The following POU2F1 variants were observed in gnomAD, a reference collection of about 807,000 sequenced individuals.
POU2F1 encodes POU domain, class 2, transcription factor 1.
Under a neutral mutation model 84.9 loss-of-function variants are expected in POU2F1, and 16 were observed. That is an observed-to-expected ratio of 0.19 (90% confidence interval 0.13 to 0.29). POU2F1 has a LOEUF of 0.29. Ranked by LOEUF, POU2F1 falls within the 10% of genes least tolerant of loss-of-function variation. The probability of loss-of-function intolerance (pLI) is 1.00; values close to 1 mark genes in which losing one functional copy is unlikely to be tolerated. For synonymous variants in POU2F1, 368 were observed against 368.3 expected, an observed-to-expected ratio of 1.00 and a Z score of 0.01; for missense variants, 738 against 942.6, an observed-to-expected ratio of 0.78 and a Z score of 2.84.
chr1:167,406,856 AAG>A (rs1374738431), intron 13 of POU2F1, among the ~76,000 whole-genome samples: 7 of 152,098 alleles, frequency 4.6e-5, no homozygotes, highest in African/African-American at 1.7e-4. Context: ...AAGAAGTTAA[AAG>A]AAGTCTAAAT....
chr1:167,294,553 A>G (rs983162122), intron 1 of POU2F1, among the ~76,000 whole-genome samples: 13 of 152,320 alleles, frequency 8.5e-5, no homozygotes, highest in African/African-American at 3.1e-4. Context: ...ATCTACAAGG[A>G]ACTCAAACAA....
At chr1:167,343,097 GA>G (rs1488289207) in intron 2 of POU2F1, among the ~76,000 whole-genome samples, 1 of 152,080 alleles carries the variant, frequency 6.6e-6, no homozygotes, top group Non-Finnish European at 1.5e-5. Context: ...TACGTATTGA[GA>G]AACTTGCCCT....
Position 167,370,224 on chromosome 1 carries a change from G to A in POU2F1, c.282+10G>A, listed in dbSNP as rs201510019. On this transcript the variant is annotated intron_variant, in intron 4 of 15. Coordinates refer to ENST00000367866, the MANE Select transcript of POU2F1 (RefSeq NM_002697.4). ...GTCTTTAAATGTACAGGTAAGCTGG[G>A]ACCTGGGATTATGGGTCAATCTTTT... is the stretch of plus-strand genomic sequence containing the variant. 1.3e-4 allele frequency: 203 copies of A among 1,587,008 alleles called. 1 individual carries two copies. In the East Asian group the frequency reaches 2.3e-3, roughly 18 times the overall value.
chr1:167,327,988 T>C (rs1557897845), intron 1 of POU2F1, among the ~76,000 whole-genome samples: 1 of 152,196 alleles, frequency 6.6e-6, no homozygotes. Context: ...GCTGTTGTCA[T>C]TGTAATGCCT....
intron 13 of POU2F1, among the ~76,000 whole-genome samples, chr1:167,409,957 AG>A (rs1360976374): frequency 3.9e-5 from 6 of 152,052 alleles, no homozygotes; most frequent in Admixed American, 3.9e-4. Context: ...ACTATGTGAC[AG>A]GGGGCATGTC....
intron 1 of POU2F1, among the ~76,000 whole-genome samples, chr1:167,254,316 C>T (rs1426507152): frequency 2.6e-5 from 4 of 152,174 alleles, no homozygotes; most frequent in African/African-American, 9.7e-5. Flanking sequence ...TGTGCTTTAG[C>T]TGCAATATAT....
intron 15 of POU2F1, among the ~76,000 whole-genome samples, chr1:167,413,564 A>G (rs1650116748): frequency 1.3e-5 from 2 of 152,324 alleles, no homozygotes. Context: ...ATGAACAAAC[A>G]TTGGAACACA....
At chr1:167,310,258 CA>C (rs1655369138) in intron 1 of POU2F1, among the ~76,000 whole-genome samples, 1 of 151,726 alleles carries the variant, frequency 6.6e-6, no homozygotes, top group Non-Finnish European at 1.5e-5. Context: ...GGGAGATCCA[CA>C]ACAAAGAACA....
At position 167,415,511 on chromosome 1, in the gene POU2F1, G is replaced by T; in HGVS notation, c.2002G>T (p.Gly668Cys). The change falls in exon 16 of 16, where the codon GGT becomes TGT. Residue 668 changes from glycine (G) to cysteine (C), a missense_variant. Gly to Cys is a radical substitution (Grantham distance 159, BLOSUM62 -3). Coordinates refer to ENST00000367866, the MANE Select transcript of POU2F1 (RefSeq NM_002697.4). ...TLATIQALAS[G>C]GSLPITSLDA... Reference sequence around the variant, plus strand: ...GTTTTTGTCTGTAGCTCTTGCTTCTGGTGGCTCTCTTCCAATAACATCACT... The same window carrying T: ...GTTTTTGTCTGTAGCTCTTGCTTCTTGTGGCTCTCTTCCAATAACATCACT... 1.2e-6 allele frequency: 2 copies of T among 1,613,822 alleles called. No homozygotes were observed. Among genetic ancestry groups the T allele is most frequent in the Non-Finnish European group, 1.7e-6 (2 of 1,179,882 alleles).
chr1:167,253,386 C>A (rs1309180637), intron 1 of POU2F1, among the ~76,000 whole-genome samples: 4 of 119,388 alleles, frequency 3.4e-5, no homozygotes, highest in Non-Finnish European at 7.2e-5. Flanking sequence ...GCCCCCCCCC[C>A]CCCAAACACA....
chr1:167,284,490 A>T (rs888325486), intron 1 of POU2F1, among the ~76,000 whole-genome samples: 1 of 152,214 alleles, frequency 6.6e-6, no homozygotes, highest in Non-Finnish European at 1.5e-5. Context: ...ACAGAATAAT[A>T]ATGATCAAGA....
At position 167,412,020 on chromosome 1, in the gene POU2F1, C is replaced by T; in HGVS notation, c.1617C>T (p.Ser539=). 1 of 1,614,138 alleles carries T rather than the reference C, an allele frequency of 6.2e-7. No individual in the cohort carries two copies. The highest frequency in any genetic ancestry group is 8.5e-7 in the Non-Finnish European group (1 of 1,180,014). ...ATVISTAPPA[S]SAVTSPSLSP... is the part of the protein sequence containing the mutation. ...TGATTTCCACAGCGCCTCCAGCTTC[C>T]TCAGCAGTCACGTCCCCCTCTCTGA... Residue 539 remains serine (S), a synonymous_variant, in exon 14 of 16, where the codon TCC becomes TCT. Transcript: ENST00000367866.
At chr1:167,361,510 C>A (rs1659349954) in intron 2 of POU2F1, among the ~76,000 whole-genome samples, 1 of 152,088 alleles carries the variant, frequency 6.6e-6, no homozygotes, top group African/African-American at 2.4e-5. Flanking sequence ...CCTTACATCC[C>A]AGAAATAAAG....
chr1:167,342,697 C>G (rs778029872), intron 2 of POU2F1, among the ~76,000 whole-genome samples: 1 of 152,150 alleles, frequency 6.6e-6, no homozygotes, highest in Non-Finnish European at 1.5e-5. Context: ...CAGAATGGAG[C>G]ATTTGCAAAT....
At chr1:167,358,122 C>CTTTTTTT (rs763521021) in intron 2 of POU2F1, among the ~76,000 whole-genome samples, 21 of 97,188 alleles carry the variant, frequency 2.2e-4, no homozygotes, top group East Asian at 2.8e-4. Flanking sequence ...TTTTTCTTTT[C>CTTTTTTT]TTTTTTTTTT....
chr1:167,423,092 T>A lies in POU2F1; in HGVS notation c.*7282T>A, dbSNP rs1273698697. The A allele has an allele frequency of 6.6e-6, 1 of 152,224 alleles. No homozygotes were observed. Among genetic ancestry groups the A allele is most frequent in the Non-Finnish European group, 1.5e-5 (1 of 68,040 alleles). 9.4% of individuals were successfully genotyped at this position (152,224 alleles called of 1,614,324 possible). ...ACTTTTAAATAGAACCAACACAGCC[T>A]ATATGAGTTCAGACAATATTTAGAT... On this transcript the variant is annotated 3_prime_UTR_variant, in exon 16 of 16. Transcript: ENST00000367866.
chr1:167,397,043 G>A (rs747514712), intron 10 of POU2F1, among the ~76,000 whole-genome samples: 47 of 152,246 alleles, frequency 3.1e-4, no homozygotes, highest in Non-Finnish European at 5.6e-4. Context: ...CCTGAAACAC[G>A]CATCCTTGGA....
At chr1:167,295,779 G>A (rs1654251372) in intron 1 of POU2F1, among the ~76,000 whole-genome samples, 1 of 152,188 alleles carries the variant, frequency 6.6e-6, no homozygotes, top group South Asian at 2.1e-4. Flanking sequence ...CCAGTGTAAA[G>A]TGAATGGGCC....
At chr1:167,364,268 C>T (rs1006045220) in intron 2 of POU2F1, among the ~76,000 whole-genome samples, 15 of 152,192 alleles carry the variant, frequency 9.9e-5, no homozygotes, top group South Asian at 2.1e-4. Flanking sequence ...GCATGGCTCA[C>T]GCCTGTAATC....
Sources: gnomAD v4.1 joint callset for allele counts (sites outside exome capture counted in the v4.1 genomes callset) on GRCh38, gnomAD v4.1.1 for gene constraint, MANE v1.5 for transcripts, NCBI Gene and HGNC (gene_info 2026-07-23, HGNC 2026-07-21) for gene names.